The following ABCC6 variants were observed in gnomAD, a reference collection of about 807,000 sequenced individuals.
ABCC6 encodes ATP binding cassette subfamily C member 6, also known as ATP-binding cassette sub-family C member 6.
ABCC6 carries 126 observed loss-of-function variants against 169.5 expected under a neutral mutation model. The observed-to-expected ratio is 0.74, with a 90% CI of 0.64 to 0.86. ABCC6 has a LOEUF of 0.86. ABCC6 is among the 40% of genes least tolerant of loss of function. ABCC6 has a pLI of 0.00. For missense variants in ABCC6, 1,733 were observed against 1,927.2 expected, an observed-to-expected ratio of 0.90 and a Z score of 1.89; for synonymous variants, 752 against 814.7, an observed-to-expected ratio of 0.92 and a Z score of 1.31.
At chr16:16,150,372 T>C in intron 30 of ABCC6, 131 bp from the exon 31 acceptor site, 2 of 1,538,174 alleles carry the variant, frequency 1.3e-6, no homozygotes, top group Non-Finnish European at 1.8e-6. Context: ...TCCCTGGCCC[T>C]CACAGCTGGG....
chr16:16,216,182 A>G lies in ABCC6; in HGVS notation c.475-1733T>C, dbSNP rs531973882. On this transcript the variant is annotated intron_variant, in intron 4 of 30. Transcript: ENST00000205557. ...GATGATCCTCCTGCCTTGGCCTCCC[A>G]AAGTGCTGGAATTACAGGTGTGAGC... Among the ~76,000 whole-genome samples the G allele has an allele frequency of 1.1e-4, 16 of 152,340 alleles. No homozygotes were observed. The East Asian group carries it at 3.1e-3, about 29-fold the overall frequency.
At chr16:16,187,408 T>G in intron 13 of ABCC6, among the ~76,000 whole-genome samples, 197 bp from the exon 14 acceptor site, 1 of 152,198 alleles carries the variant, frequency 6.6e-6, no homozygotes, top group East Asian at 1.9e-4. Flanking sequence ...ATCTCCCACC[T>G]CTGCGATCCT....
At chr16:16,220,245 GA>G (rs1268220078) in intron 2 of ABCC6, 1 of 368,610 alleles carries the variant, frequency 2.7e-6, no homozygotes, top group African/African-American at 2.1e-5. Context: ...TGGGTATGGA[GA>G]AACAGCAGGA....
intron 7 of ABCC6, among the ~76,000 whole-genome samples, chr16:16,205,675 C>A (rs1253346475): frequency 6.6e-6 from 1 of 152,144 alleles, no homozygotes; most frequent in Non-Finnish European, 1.5e-5. Context: ...CCTGTTTGAT[C>A]CTGCCATTTA....
At position 16,165,685 on chromosome 16, in the gene ABCC6, C is replaced by T. The variant is rs746841085; in HGVS notation, c.3244G>A (p.Val1082Met). The T allele has an allele frequency of 6.2e-7, 1 of 1,613,098 alleles. No homozygotes were observed. Among genetic ancestry groups the T allele is most frequent in the South Asian group, 1.1e-5 (1 of 91,086 alleles). The part of the protein sequence containing the change: ...GLLEVSLVVA[V>M]ATPLATVAIL... The stretch of plus-strand genomic sequence containing the variant: ...GCCACAGTGGCCAGTGGGGTAGCCA[C>T]TGCCACCACCAGGCTGACCTCCAGG... Residue 1082 changes from valine (V) to methionine (M), a missense_variant, in exon 23 of 31, where the codon GTG becomes ATG. By Grantham distance (21) the Val-to-Met change is conservative. This residue lies in a region of ABCC6 where 1,601 missense variants were observed against 1,635.5 expected (regional missense o/e 0.98). Coordinates refer to ENST00000205557, the MANE Select transcript of ABCC6 (RefSeq NM_001171.6).
At chr16:16,162,074 A>T (rs1409084544) in intron 24 of ABCC6, among the ~76,000 whole-genome samples, 2 of 152,112 alleles carry the variant, frequency 1.3e-5, no homozygotes, top group Non-Finnish European at 2.9e-5. Flanking sequence ...GCCATGTAAG[A>T]CGTGCCTTGC....
chr16:16,182,628 G>C, intron 16 of ABCC6, 40 bp from the exon 17 acceptor site: 1 of 1,606,120 alleles, frequency 6.2e-7, no homozygotes, highest in East Asian at 2.2e-5. Flanking sequence ...GGATGATGGG[G>C]ACAGAGGTGG....
intron 25 of ABCC6, 35 bp downstream of exon 25, chr16:16,161,403 G>C: frequency 6.2e-7 from 1 of 1,613,378 alleles, no homozygotes; most frequent in Non-Finnish European, 8.5e-7. Flanking sequence ...GCCTCTGTCT[G>C]TCCCTCAAGC....
chr16:16,208,668 G>T (rs907108333), intron 7 of ABCC6, 60 bp downstream of exon 7: 5 of 1,612,228 alleles, frequency 3.1e-6, no homozygotes, highest in Non-Finnish European at 4.2e-6. Flanking sequence ...CACCGCACCC[G>T]GCCAATGATG....
chr16:16,152,047 C>G (rs2046400000), intron 29 of ABCC6, among the ~76,000 whole-genome samples: 1 of 151,702 alleles, frequency 6.6e-6, no homozygotes. Context: ...AAAAAATTAG[C>G]CGGGCGTGGT....
intron 29 of ABCC6, among the ~76,000 whole-genome samples, chr16:16,153,185 A>G (rs550865070): frequency 7.2e-5 from 11 of 152,256 alleles, no homozygotes; most frequent in Non-Finnish European, 1.2e-4. Context: ...GATTACAGGC[A>G]TGAGCCACCG....
chr16:16,176,006 C>G lies in ABCC6; in HGVS notation c.2591-20G>C. Reference sequence around the variant, plus strand: ...CTGTTTCTGCAAGGTCAAGAGAGTCCTGTCACGCAACACGGCCCAGATACC... The same window carrying G: ...CTGTTTCTGCAAGGTCAAGAGAGTCGTGTCACGCAACACGGCCCAGATACC... On this transcript the variant is annotated intron_variant, in intron 19 of 30. Transcript: ENST00000205557. 1 of 1,612,756 alleles carries G rather than the reference C, an allele frequency of 6.2e-7. No homozygotes were observed.
intron 26 of ABCC6, among the ~76,000 whole-genome samples, chr16:16,158,023 A>G (rs559905923): frequency 6.6e-6 from 1 of 152,158 alleles, no homozygotes; most frequent in Non-Finnish European, 1.5e-5. Flanking sequence ...TTTTATTGTT[A>G]TTATTAGCCA....
At position 16,182,471 on chromosome 16, in the gene ABCC6, C is replaced by T. The variant is rs771642702; in HGVS notation, c.2188G>A (p.Ala730Thr). Residue 730 changes from alanine to threonine, a missense_variant, in exon 17 of 31, where the codon GCC (alanine) becomes ACC (threonine). This residue lies in a region of ABCC6 where 1,601 missense variants were observed against 1,635.5 expected (regional missense o/e 0.98). Coordinates refer to ENST00000205557, the MANE Select transcript of ABCC6 (RefSeq NM_001171.6). The stretch of plus-strand genomic sequence containing the variant: ...AAGCTGTCCACATCTGGCTGCAGGG[C>T]ACAGGCTTCTAGTACTCTCTCCAGC... ...PWLERVLEAC[A>T]LQPDVDSFPE... is the part of the protein sequence containing the mutation. 1.2e-6 allele frequency: 2 copies of T among 1,614,180 alleles called. No individual in the cohort carries two copies. Among genetic ancestry groups the T allele is most frequent in the South Asian group, 1.1e-5 (1 of 91,088 alleles).
chr16:16,211,473 C>T (rs117269785), intron 6 of ABCC6, among the ~76,000 whole-genome samples: 5,405 of 152,272 alleles, frequency 0.035, 115 homozygotes, highest in African/African-American at 0.046. Flanking sequence ...TTACAGATCT[C>T]ATCTTATTTA....
intron 29 of ABCC6, among the ~76,000 whole-genome samples, chr16:16,154,383 G>A (rs2046473524): frequency 6.6e-6 from 1 of 152,190 alleles, no homozygotes; most frequent in Non-Finnish European, 1.5e-5. Flanking sequence ...CAGTAGCCCT[G>A]TGTCAGTTGA....
intron 27 of ABCC6, among the ~76,000 whole-genome samples, chr16:16,157,377 T>TAAGG (rs1555507840): frequency 6.6e-6 from 1 of 152,120 alleles, no homozygotes; most frequent in Non-Finnish European, 1.5e-5. Flanking sequence ...CTGGAGCATT[T>TAAGG]AACACACTGC....
At chr16:16,182,983 G>A (rs2047530642) in intron 15 of ABCC6, 53 bp from the exon 16 acceptor site, 2 of 1,614,044 alleles carry the variant, frequency 1.2e-6, no homozygotes, top group South Asian at 1.1e-5. Flanking sequence ...GCCCGCCTCT[G>A]TGAGGAAGGA....
intron 25 of ABCC6, among the ~76,000 whole-genome samples, chr16:16,160,910 T>C (rs1377498131): frequency 6.6e-6 from 1 of 152,058 alleles, no homozygotes; most frequent in Non-Finnish European, 1.5e-5. Flanking sequence ...ATTTTTTTCA[T>C]AGATGTCATG....
Sources: allele counts gnomAD v4.1 joint callset (sites outside exome capture counted in the v4.1 genomes callset), GRCh38; gene constraint gnomAD v4.1.1; regional missense constraint gnomAD v4.1.1; transcripts MANE v1.5; gene names NCBI Gene and HGNC (gene_info 2026-07-23, HGNC 2026-07-21).